GRID2: variants seen among roughly 807,000 people sequenced by gnomAD.
GRID2 encodes glutamate receptor ionotropic, delta-2.
In GRID2, 33 loss-of-function variants were observed where a neutral mutation model predicts 114.8. That is an observed-to-expected ratio of 0.29 (90% confidence interval 0.22 to 0.38). GRID2 has a LOEUF of 0.38. Among genes scored for constraint, GRID2 ranks in the 10% least tolerant of loss-of-function variants. The probability of loss-of-function intolerance (pLI) is 1.00; values close to 1 mark genes in which losing one functional copy is unlikely to be tolerated. For synonymous variants in GRID2, 505 were observed against 449.9 expected, an observed-to-expected ratio of 1.12 and a Z score of -1.55; for missense variants, 1,184 against 1,257.7, an observed-to-expected ratio of 0.94 and a Z score of 0.89.
chr4:93,548,630 G>T (rs548455033), intron 13 of GRID2, among the ~76,000 whole-genome samples: 1 of 152,226 alleles, frequency 6.6e-6, no homozygotes, highest in East Asian at 1.9e-4. Flanking sequence ...ATAATCAGAA[G>T]AGTCTGTACA....
chr4:92,721,481 ATAT>A (rs1735806921), intron 2 of GRID2, among the ~76,000 whole-genome samples: 2 of 152,034 alleles, frequency 1.3e-5, no homozygotes, highest in African/African-American at 4.8e-5. Context: ...GGAAAATAAT[ATAT>A]TATTCTAAAT....
At chr4:92,506,144 C>G (rs924029335) in intron 1 of GRID2, among the ~76,000 whole-genome samples, 5 of 151,858 alleles carry the variant, frequency 3.3e-5, no homozygotes, top group Admixed American at 3.3e-4. Flanking sequence ...TAACTGAATT[C>G]TAGAAGTACA....
At chr4:92,930,275 T>C (rs1279104153) in intron 2 of GRID2, among the ~76,000 whole-genome samples, 1 of 151,296 alleles carries the variant, frequency 6.6e-6, no homozygotes, top group African/African-American at 2.4e-5. Context: ...TGGAACATTA[T>C]TTAGCAATAT....
chr4:93,506,613 C>T (rs1728656085), intron 12 of GRID2, among the ~76,000 whole-genome samples: 1 of 152,118 alleles, frequency 6.6e-6, no homozygotes, highest in African/African-American at 2.4e-5. Context: ...AATGGAGCGA[C>T]TAGAAAAGGC....
intron 1 of GRID2, among the ~76,000 whole-genome samples, chr4:92,536,103 C>G (rs1382463323): frequency 6.6e-6 from 1 of 152,224 alleles, no homozygotes; most frequent in Non-Finnish European, 1.5e-5. Flanking sequence ...GGAACGTGAG[C>G]AGGCTGCCAC....
chr4:92,729,874 C>G (rs1736249831), intron 2 of GRID2, among the ~76,000 whole-genome samples: 2 of 151,818 alleles, frequency 1.3e-5, no homozygotes, highest in Non-Finnish European at 2.9e-5. Context: ...TTGGGTTTCC[C>G]ATGTACTAAA....
At chr4:93,405,295 G>A (rs910421156) in intron 9 of GRID2, among the ~76,000 whole-genome samples, 17 of 152,114 alleles carry the variant, frequency 1.1e-4, no homozygotes, top group Non-Finnish European at 1.8e-4. Context: ...TCACTTCAGC[G>A]CTCACTAAAT....
At chr4:92,487,589 G>A (rs1423492251) in intron 1 of GRID2, among the ~76,000 whole-genome samples, 1 of 151,660 alleles carries the variant, frequency 6.6e-6, no homozygotes, top group Non-Finnish European at 1.5e-5. Flanking sequence ...TCTTTGTCTT[G>A]CAAGAATTTC....
intron 1 of GRID2, among the ~76,000 whole-genome samples, chr4:92,421,424 C>T (rs1026811801): frequency 1.3e-5 from 2 of 152,024 alleles, no homozygotes; most frequent in African/African-American, 4.8e-5. Context: ...AGTCAGTCTT[C>T]CCAAAGCACT....
chr4:92,846,877 A>T (rs1210965624), intron 2 of GRID2, among the ~76,000 whole-genome samples: 1 of 152,108 alleles, frequency 6.6e-6, no homozygotes, highest in Non-Finnish European at 1.5e-5. Flanking sequence ...CTATTTACAA[A>T]GGAGGAAACT....
At chr4:92,383,734 C>G (rs1462532762) in intron 1 of GRID2, among the ~76,000 whole-genome samples, 1 of 151,790 alleles carries the variant, frequency 6.6e-6, no homozygotes, top group African/African-American at 2.4e-5. Context: ...GATTTACTAC[C>G]TGAATTATTT....
intron 2 of GRID2, among the ~76,000 whole-genome samples, chr4:92,645,504 T>A (rs1213299946): frequency 6.6e-6 from 1 of 151,820 alleles, no homozygotes; most frequent in Non-Finnish European, 1.5e-5. Flanking sequence ...TTTATTCATA[T>A]GTACTTTACA....
At chr4:92,741,830 T>C (rs1038846889) in intron 2 of GRID2, among the ~76,000 whole-genome samples, 2 of 152,180 alleles carry the variant, frequency 1.3e-5, no homozygotes, top group African/African-American at 4.8e-5. Flanking sequence ...AATTCAGAAT[T>C]GGTGTCTTAA....
At chr4:93,155,488 C>G (rs1423759902) in intron 4 of GRID2, among the ~76,000 whole-genome samples, 1 of 151,934 alleles carries the variant, frequency 6.6e-6, no homozygotes, top group African/African-American at 2.4e-5. Flanking sequence ...TATTACTGCA[C>G]TTAACAAATT....
intron 1 of GRID2, among the ~76,000 whole-genome samples, chr4:92,355,834 C>T (rs888045583): frequency 1.3e-5 from 2 of 151,734 alleles, no homozygotes; most frequent in Non-Finnish European, 2.9e-5. Context: ...CAGATCAATT[C>T]TCTTATATGT....
At chr4:93,734,009 T>C (rs1275640698) in intron 14 of GRID2, among the ~76,000 whole-genome samples, 1 of 152,076 alleles carries the variant, frequency 6.6e-6, no homozygotes, top group African/African-American at 2.4e-5. Flanking sequence ...CCTTTAATCA[T>C]GGTGGATAGG....
chr4:92,492,471 G>A (rs1405271402), intron 1 of GRID2, among the ~76,000 whole-genome samples: 1 of 152,142 alleles, frequency 6.6e-6, no homozygotes, highest in Non-Finnish European at 1.5e-5. Context: ...TTCTGAGTTA[G>A]AGCAAGGATT....
chr4:93,483,226 A>C (rs1726047843), intron 11 of GRID2, among the ~76,000 whole-genome samples: 1 of 151,992 alleles, frequency 6.6e-6, no homozygotes, highest in Non-Finnish European at 1.5e-5. Flanking sequence ...ATTTTAATTG[A>C]TCAGCTTACA....
rs564879349 is a variant in GRID2 at position 92,917,106 on chromosome 4, A to ATGG, written c.245-167889_245-167888insTGG. On this transcript the variant is annotated intron_variant, in intron 2 of 15. Transcript: ENST00000282020. ...TGTGGTTTTGATTTGCATTTCTCTG[A>ATGG]CCAGTGATGATGAGCATTTTTTCAT... Among the ~76,000 whole-genome samples the ATGG allele has an allele frequency of 4.1e-3, 616 of 151,770 alleles. 6 individuals carry two copies. The highest frequency in any genetic ancestry group is 0.014 in the African/African-American group (587 of 41,450).
Sources: allele counts gnomAD v4.1 joint callset (sites outside exome capture counted in the v4.1 genomes callset), GRCh38; gene constraint gnomAD v4.1.1; transcripts MANE v1.5; gene names NCBI Gene and HGNC (gene_info 2026-07-23, HGNC 2026-07-21).